The following SH3GL2 variants were observed in gnomAD, a reference collection of about 807,000 sequenced individuals.
SH3GL2 encodes the protein SH3 domain containing GRB2 like 2, endophilin A1.
Under a neutral mutation model 46.0 loss-of-function variants are expected in SH3GL2, and 24 were observed. The observed-to-expected ratio is 0.52, with a 90% CI of 0.38 to 0.73. The LOEUF is 0.73. SH3GL2 is among the 30% of genes least tolerant of loss of function. SH3GL2 has a pLI of 0.00. For synonymous variants in SH3GL2, 196 were observed against 147.1 expected (o/e 1.33, Z -2.40); for missense variants, 413 against 424.2 (o/e 0.97, Z 0.23).
At chr9:17,650,559 A>G (rs1157313304) in intron 1 of SH3GL2, among the ~76,000 whole-genome samples, 4 of 151,766 alleles carry the variant, frequency 2.6e-5, no homozygotes, top group African/African-American at 9.7e-5. Flanking sequence ...TTTAGTAGAG[A>G]CAGGGTTTCA....
chr9:17,648,947 G>A (rs1440713160), intron 1 of SH3GL2, among the ~76,000 whole-genome samples: 1 of 152,174 alleles, frequency 6.6e-6, no homozygotes, highest in East Asian at 1.9e-4. Flanking sequence ...AAAGAGCACT[G>A]TTCCATCAGG....
At chr9:17,612,122 G>T (rs1487719889) in intron 1 of SH3GL2, among the ~76,000 whole-genome samples, 1 of 152,110 alleles carries the variant, frequency 6.6e-6, no homozygotes, top group Non-Finnish European at 1.5e-5. Flanking sequence ...CTGTCTGTAT[G>T]GGGGAAAGTC....
intron 3 of SH3GL2, among the ~76,000 whole-genome samples, chr9:17,773,160 C>T (rs773250262): frequency 5.9e-5 from 9 of 152,028 alleles, no homozygotes; most frequent in East Asian, 1.9e-4. Context: ...TTCAAGCCTT[C>T]GCTCATTTAT....
intron 1 of SH3GL2, among the ~76,000 whole-genome samples, chr9:17,664,001 G>A (rs1172552346): frequency 6.6e-6 from 1 of 152,080 alleles, no homozygotes; most frequent in Non-Finnish European, 1.5e-5. Flanking sequence ...AATGTCGAGG[G>A]AGAAGAATAC....
At chr9:17,619,789 C>T (rs1432407332) in intron 1 of SH3GL2, among the ~76,000 whole-genome samples, 2 of 152,118 alleles carry the variant, frequency 1.3e-5, no homozygotes, top group Non-Finnish European at 2.9e-5. Context: ...TTGACATGGA[C>T]ACATTTATGT....
chr9:17,704,238 G>C (rs868004620), intron 1 of SH3GL2, among the ~76,000 whole-genome samples: 2 of 151,936 alleles, frequency 1.3e-5, no homozygotes, highest in African/African-American at 2.4e-5. Context: ...TAACCAGGGA[G>C]GTGAAAGATA....
chr9:17,755,231 C>G (rs1822954888), intron 2 of SH3GL2, among the ~76,000 whole-genome samples: 2 of 152,142 alleles, frequency 1.3e-5, no homozygotes, highest in African/African-American at 4.8e-5. Context: ...TTTTGTACAT[C>G]TATTGAGATA....
At chr9:17,753,786 C>G (rs1359492126) in intron 2 of SH3GL2, among the ~76,000 whole-genome samples, 2 of 152,070 alleles carry the variant, frequency 1.3e-5, no homozygotes, top group Admixed American at 6.6e-5. Flanking sequence ...CCTAGGTTGT[C>G]TTTCAGGGTT....
intron 1 of SH3GL2, among the ~76,000 whole-genome samples, chr9:17,681,738 C>G (rs2118048711): frequency 6.6e-6 from 1 of 152,088 alleles, no homozygotes; most frequent in Admixed American, 6.5e-5. Flanking sequence ...TCTTGCACAG[C>G]AAAAGAAACT....
At chr9:17,751,660 T>C (rs1482944213) in intron 2 of SH3GL2, among the ~76,000 whole-genome samples, 1 of 152,184 alleles carries the variant, frequency 6.6e-6, no homozygotes, top group Admixed American at 6.5e-5. Flanking sequence ...GGTTAGTAAT[T>C]TGTTACTAAT....
chr9:17,780,636 C>T (rs1478730371), intron 3 of SH3GL2, among the ~76,000 whole-genome samples: 2 of 112,092 alleles, frequency 1.8e-5, no homozygotes, highest in African/African-American at 7.0e-5. Flanking sequence ...CCCCCTCCCC[C>T]GACCCCACCA....
chr9:17,758,934 C>G (rs550254037), intron 2 of SH3GL2, among the ~76,000 whole-genome samples: 48 of 152,168 alleles, frequency 3.2e-4, no homozygotes, highest in Admixed American at 3.3e-4. Context: ...AGATGGAGTC[C>G]TGCCCTGGGG....
At chr9:17,628,330 A>G (rs978045684) in intron 1 of SH3GL2, among the ~76,000 whole-genome samples, 1 of 152,024 alleles carries the variant, frequency 6.6e-6, no homozygotes, top group Non-Finnish European at 1.5e-5. Context: ...TAGAGTAGGA[A>G]CATTAATCTA....
chr9:17,704,930 C>G (rs1433014970), intron 1 of SH3GL2, among the ~76,000 whole-genome samples: 3 of 151,648 alleles, frequency 2.0e-5, no homozygotes, highest in Non-Finnish European at 4.4e-5. Context: ...CAAAAATTGA[C>G]AAAATAGAGA....
chr9:17,765,940 A>G (rs1344159615), intron 3 of SH3GL2, among the ~76,000 whole-genome samples: 1 of 152,222 alleles, frequency 6.6e-6, no homozygotes, highest in Non-Finnish European at 1.5e-5. Flanking sequence ...TAATGTACTA[A>G]AACTTCTCTA....
At chr9:17,615,766 ATCT>A (rs1818979799) in intron 1 of SH3GL2, among the ~76,000 whole-genome samples, 1 of 151,698 alleles carries the variant, frequency 6.6e-6, no homozygotes, top group African/African-American at 2.4e-5. Flanking sequence ...AATTACAGAG[ATCT>A]TCATTAACAT....
chr9:17,672,814 G>A (rs762293436), intron 1 of SH3GL2, among the ~76,000 whole-genome samples: 24 of 152,154 alleles, frequency 1.6e-4, no homozygotes, highest in Non-Finnish European at 2.2e-4. Flanking sequence ...CATGTTCGTG[G>A]TTTTAACTCT....
intron 1 of SH3GL2, among the ~76,000 whole-genome samples, chr9:17,618,086 A>G (rs1588176934): frequency 6.6e-6 from 1 of 152,164 alleles, no homozygotes; most frequent in East Asian, 1.9e-4. Context: ...GGAAAGCAAT[A>G]GATTTTTTTC....
chr9:17,733,808 A>G (rs1190063617), intron 1 of SH3GL2, among the ~76,000 whole-genome samples: 2 of 152,080 alleles, frequency 1.3e-5, no homozygotes, highest in African/African-American at 4.8e-5. Context: ...TGATGAGTTC[A>G]TGTCCTTTGT....
Sources: gnomAD v4.1 joint callset for allele counts (sites outside exome capture counted in the v4.1 genomes callset) on GRCh38, gnomAD v4.1.1 for gene constraint, MANE v1.5 for transcripts, NCBI Gene and HGNC (gene_info 2026-07-23, HGNC 2026-07-21) for gene names.